The following SUSD3 variants were observed in gnomAD, a reference collection of about 807,000 sequenced individuals.
SUSD3 encodes sushi domain containing 3.
A neutral mutation model predicts 20.6 loss-of-function variants in SUSD3; 18 were observed. The observed-to-expected ratio is 0.87, with a 90% confidence interval of 0.60 to 1.30. The LOEUF (loss-of-function observed/expected upper bound fraction) is 1.30, where lower values mean the gene tolerates loss of function less well. Ranked by LOEUF, SUSD3 falls within the 50% of genes most tolerant of loss-of-function variation. The pLI is 0.00. For missense variants in SUSD3, 306 were observed against 346.9 expected, an observed-to-expected ratio of 0.88 and a Z score of 0.94; for synonymous variants, 137 against 141.5, an observed-to-expected ratio of 0.97 and a Z score of 0.23.
chr9:93,080,471 C>T (rs1417223729), intron 4 of SUSD3, among the ~76,000 whole-genome samples: 1 of 152,216 alleles, frequency 6.6e-6, no homozygotes, highest in African/African-American at 2.4e-5. Context: ...TTTTTCATGG[C>T]ATAGTCTTCT....
At chr9:93,075,735 T>TTG in intron 1 of SUSD3, 49 bp from the exon 2 acceptor site, 2 of 247,412 alleles carry the variant, frequency 8.1e-6, no homozygotes, top group Non-Finnish European at 1.5e-5. Flanking sequence ...CTGCCCTGCG[T>TTG]GCCCACCCCC....
intron 1 of SUSD3, among the ~76,000 whole-genome samples, chr9:93,068,646 C>T (rs1182899792): frequency 6.6e-6 from 1 of 152,150 alleles, no homozygotes; most frequent in Non-Finnish European, 1.5e-5. Context: ...TTTGGCTATT[C>T]TAGGTCTTTT....
chr9:93,078,576 A>G (rs59297630), intron 3 of SUSD3, among the ~76,000 whole-genome samples: 6,369 of 151,134 alleles, frequency 0.042, 204 homozygotes, highest in African/African-American at 0.089. Flanking sequence ...TTATTCTTAA[A>G]CCTGCACACA....
intron 1 of SUSD3, among the ~76,000 whole-genome samples, chr9:93,073,496 C>T (rs987695150): frequency 3.3e-5 from 5 of 152,158 alleles, no homozygotes; most frequent in East Asian, 1.9e-4. Context: ...GATCCGCCCG[C>T]CTCGGCCTCC....
intron 1 of SUSD3, among the ~76,000 whole-genome samples, chr9:93,071,078 CTCT>C (rs1230751772): frequency 2.6e-5 from 4 of 152,186 alleles, no homozygotes; most frequent in Non-Finnish European, 4.4e-5. Flanking sequence ...TTATTGCTGT[CTCT>C]TCTTAGGATC....
intron 2 of SUSD3, among the ~76,000 whole-genome samples, chr9:93,076,745 T>C (rs1489880217): frequency 1.3e-5 from 2 of 152,222 alleles, no homozygotes; most frequent in African/African-American, 4.8e-5. Flanking sequence ...GGATTAACTA[T>C]GATGGAGCTC....
Position 93,084,806 on chromosome 9 carries a change from C to A in SUSD3, c.*59C>A. ...TGGGAGGCCAGGCTGACCCCACCAG[C>A]CAGTCAGCTACAACTCCACATCAAC... On this transcript the variant is annotated 3_prime_UTR_variant, in exon 5 of 5. Coordinates refer to ENST00000375472, the MANE Select transcript of SUSD3 (RefSeq NM_145006.4). 1 of 1,391,874 alleles carries A rather than the reference C, an allele frequency of 7.2e-7. No individual in the cohort carries two copies. The highest frequency in any genetic ancestry group is 9.5e-7 in the Non-Finnish European group (1 of 1,056,108). The allele number at this position is 1,391,874 out of a possible 1,614,324, so 86.2% of individuals were successfully genotyped here. A position where few individuals can be genotyped will look rare whatever the true frequency, so the allele number is the denominator to read the frequency against.
chr9:93,077,618 G>T (rs920260550), intron 2 of SUSD3, among the ~76,000 whole-genome samples: 2 of 152,050 alleles, frequency 1.3e-5, no homozygotes, highest in African/African-American at 4.8e-5. Flanking sequence ...CTGCTTCTTG[G>T]GGAGAGTCTT....
chr9:93,078,088 A>C, intron 3 of SUSD3, 95 bp downstream of exon 3: 1 of 1,550,306 alleles, frequency 6.5e-7, no homozygotes. Flanking sequence ...GAACCCCGGC[A>C]CTGCCCTCAG....
rs145030773 is a variant in SUSD3, at chr9:93,073,166, G to A, written c.89-2618G>A. On this transcript the variant is annotated intron_variant, in intron 1 of 4. Transcript: ENST00000375472. ...GAGACAGGCACAGAGATGCTCAGGT[G>A]GCCCTTCACCACTGCTGCCTCCGGT... 1.0e-3 allele frequency among the ~76,000 whole-genome samples: 153 copies of A among 152,166 alleles called. 2 individuals carry two copies. Among genetic ancestry groups the A allele is most frequent in the Middle Eastern group, 3.4e-3 (1 of 294 alleles).
At chr9:93,069,839 G>A (rs965469128) in intron 1 of SUSD3, among the ~76,000 whole-genome samples, 1 of 151,720 alleles carries the variant, frequency 6.6e-6, no homozygotes, top group Non-Finnish European at 1.5e-5. Flanking sequence ...GAGTGCAGTG[G>A]TACGATTTTG....
At chr9:93,083,045 A>G (rs1477221230) in intron 4 of SUSD3, among the ~76,000 whole-genome samples, 1 of 152,194 alleles carries the variant, frequency 6.6e-6, no homozygotes, top group Admixed American at 6.5e-5. Context: ...ATCTGTGTAC[A>G]GGGCTGTGTT....
At chr9:93,078,432 G>A (rs540327387) in intron 3 of SUSD3, among the ~76,000 whole-genome samples, 2 of 152,190 alleles carry the variant, frequency 1.3e-5, no homozygotes, top group East Asian at 3.9e-4. Context: ...CTAATTTTTT[G>A]TATTTTTAGT....
At position 93,084,702 on chromosome 9, in the gene SUSD3, G is replaced by A. The variant is rs1169625999; in HGVS notation, c.723G>A (p.Leu241=). The change falls in exon 5 of 5, where the codon CTG becomes CTA. Residue 241 remains leucine (L), a synonymous_variant. Transcript: ENST00000375472. ...NPRQPLPASG[L]ATGMPQQPAA... ...GACAGCCCCTGCCTGCCTCTGGGCT[G>A]GCCACAGGAATGCCACAACAGCCCG... The A allele has an allele frequency of 6.3e-7, 1 of 1,598,726 alleles. No individual in the cohort carries two copies. The highest frequency in any genetic ancestry group is 8.5e-7 in the Non-Finnish European group (1 of 1,171,894).
At chr9:93,078,882 C>T (rs1159959150) in intron 3 of SUSD3, among the ~76,000 whole-genome samples, 1 of 152,066 alleles carries the variant, frequency 6.6e-6, no homozygotes, top group East Asian at 1.9e-4. Context: ...TCACTGCAAG[C>T]TCCACCTCCT....
chr9:93,082,831 G>T (rs1279138812), intron 4 of SUSD3, among the ~76,000 whole-genome samples: 1 of 152,222 alleles, frequency 6.6e-6, no homozygotes, highest in African/African-American at 2.4e-5. Context: ...AAGGCAACAT[G>T]GTGTCCAGGA....
Position 93,084,759 on chromosome 9 carries a change from G to A in SUSD3, c.*12G>A, listed in dbSNP as rs1217089402. ...ATGCCCTAGGGTGACCACGCAGTGA[G>A]GCTGGTGCCCATGCTCCACACTGGG... is the stretch of plus-strand genomic sequence containing the variant. On this transcript the variant is annotated 3_prime_UTR_variant, in exon 5 of 5. Coordinates refer to ENST00000375472, the MANE Select transcript of SUSD3 (RefSeq NM_145006.4). 2.0e-6 allele frequency: 3 copies of A among 1,474,260 alleles called. No homozygotes were observed. The highest frequency in any genetic ancestry group is 2.6e-5 in the East Asian group (1 of 38,610). The allele number at this position is 1,474,260 out of a possible 1,614,324, so 91.3% of individuals were successfully genotyped here.
intron 1 of SUSD3, among the ~76,000 whole-genome samples, chr9:93,065,725 C>G (rs1825683729): frequency 6.6e-6 from 1 of 152,396 alleles, no homozygotes; most frequent in African/African-American, 2.4e-5. Flanking sequence ...AAAGTGGTCC[C>G]TGGCCCTTGG....
At position 93,064,044 on chromosome 9, in the gene SUSD3, G is replaced by T. The variant is rs555099793; in HGVS notation, c.88+5214G>T. ...GCTGGTCCCCTTTCTTTGGTTGTGGGTGGTGACTTCACCTTTTTTTTTGAG... is the reference window on the plus strand; with the variant it reads ...GCTGGTCCCCTTTCTTTGGTTGTGGTTGGTGACTTCACCTTTTTTTTTGAG... On this transcript the variant is annotated intron_variant, in intron 1 of 4. Transcript: ENST00000375472. Among the ~76,000 whole-genome samples the T allele has an allele frequency of 7.2e-5, 11 of 152,182 alleles. No individual in the cohort carries two copies. The South Asian group carries it at 1.2e-3, about 17-fold the overall frequency.
Sources: allele counts gnomAD v4.1 joint callset (sites outside exome capture counted in the v4.1 genomes callset), GRCh38; gene constraint gnomAD v4.1.1; transcripts MANE v1.5; gene names NCBI Gene and HGNC (gene_info 2026-07-23, HGNC 2026-07-21).